JPH3: variants seen among roughly 807,000 people sequenced by gnomAD.
JPH3 encodes junctophilin-3.
Under a neutral mutation model 59.6 loss-of-function variants are expected in JPH3, and 11 were observed. The ratio of observed to expected loss-of-function variants is 0.18; its 90% CI spans 0.12 to 0.31. The LOEUF (loss-of-function observed/expected upper bound fraction) is 0.31. Ranked by LOEUF, JPH3 falls within the 10% of genes least tolerant of loss-of-function variation. The pLI, the probability that JPH3 is intolerant of heterozygous loss-of-function variation, is 1.00. For missense variants in JPH3, 1,202 were observed against 1,105.7 expected, an observed-to-expected ratio of 1.09 and a Z score of -1.24; for synonymous variants, 673 against 483.6, an observed-to-expected ratio of 1.39 and a Z score of -5.14.
chr16:87,647,637 G>A (rs567296174), intron 2 of JPH3, among the ~76,000 whole-genome samples: 10 of 152,312 alleles, frequency 6.6e-5, no homozygotes, highest in African/African-American at 1.2e-4. Context: ...GTCTTGGATC[G>A]TAGCTCCTTT....
intron 1 of JPH3, among the ~76,000 whole-genome samples, chr16:87,620,479 A>AG (rs1263775669): frequency 3.9e-5 from 4 of 103,618 alleles, no homozygotes; most frequent in Non-Finnish European, 7.8e-5. Context: ...AGAAGGAGAG[A>AG]AGAGAGGGAG....
At chr16:87,618,651 G>T (rs1417932816) in intron 1 of JPH3, among the ~76,000 whole-genome samples, 1 of 152,184 alleles carries the variant, frequency 6.6e-6, no homozygotes, top group Non-Finnish European at 1.5e-5. Flanking sequence ...GTCCTCATCC[G>T]CACCTGTCAT....
Position 87,690,204 on chromosome 16 carries a change from T to G in JPH3, c.1844T>G (p.Met615Arg), listed in dbSNP as rs1245286613. 1.9e-6 allele frequency: 3 copies of G among 1,602,902 alleles called. No homozygotes were observed. The African/African-American group carries it at 4.0e-5, about 21-fold the overall frequency. The change falls in exon 4 of 5, where the codon ATG (methionine) becomes AGG (arginine). Residue 615 changes from methionine (M) to arginine (R), a missense_variant. Transcript: ENST00000284262. The stretch of plus-strand genomic sequence containing the variant: ...AAGCTGAGCAACTACCGGATGGAGA[T>G]GAAACCCTTGCTGAGGATGGAGACG... ...EEKLSNYRME[M>R]KPLLRMETHP... is the part of the protein sequence containing the mutation.
At chr16:87,649,924 C>A (rs1470896003) in intron 2 of JPH3, among the ~76,000 whole-genome samples, 1 of 152,244 alleles carries the variant, frequency 6.6e-6, no homozygotes, top group Non-Finnish European at 1.5e-5. Flanking sequence ...ATTGTTTCTG[C>A]TGGGACCCCC....
rs369450570 is a variant in JPH3 at position 87,639,594 on chromosome 16, GCCTGTCCTCCCT to G, written c.383-4647_383-4636del. 5.0e-3 allele frequency among the ~76,000 whole-genome samples: 751 copies of G among 149,790 alleles called. 9 individuals carry two copies. Among genetic ancestry groups the G allele is most frequent in the African/African-American group, 0.016 (660 of 40,632 alleles). On this transcript the variant is annotated intron_variant, in intron 1 of 4. Transcript: ENST00000284262. ...AACTCTGTCCCACTAAATGCTCACTGCCTGTCCTCCCTCCTGTCCTCCCTCCTGGCCTCCCTC... is the reference window on the plus strand; with the variant it reads ...AACTCTGTCCCACTAAATGCTCACTGCCTGTCCTCCCTCCTGGCCTCCCTC...
chr16:87,665,669 C>T (rs2032838331), intron 2 of JPH3, among the ~76,000 whole-genome samples: 1 of 152,210 alleles, frequency 6.6e-6, no homozygotes, highest in Non-Finnish European at 1.5e-5. Flanking sequence ...TGGGAGCAGG[C>T]CTAGGAGAGG....
At position 87,644,793 on chromosome 16, in the gene JPH3, G is replaced by C. The variant is rs755421426; in HGVS notation, c.918G>C (p.Ser306=). 1.1e-5 allele frequency: 17 copies of C among 1,613,206 alleles called. No individual in the cohort carries two copies. The highest frequency in any genetic ancestry group is 1.4e-5 in the Non-Finnish European group (16 of 1,179,886). ...KRSGFGVSQR[S]DGLKYEGEWA... ...CCGGCTTCGGCGTGAGCCAGCGCTC[G>C]GACGGGCTCAAGTACGAGGGCGAGT... is the stretch of plus-strand genomic sequence containing the variant. The change falls in exon 2 of 5, where the codon TCG becomes TCC. Residue 306 remains serine (S), a synonymous_variant. Transcript: ENST00000284262.
intron 3 of JPH3, among the ~76,000 whole-genome samples, chr16:87,685,699 A>G (rs572380559): frequency 1.3e-5 from 2 of 152,342 alleles, no homozygotes; most frequent in African/African-American, 4.8e-5. Flanking sequence ...ATGGGATTCC[A>G]CGTACCAACC....
chr16:87,675,009 G>C (rs542093146), intron 2 of JPH3, among the ~76,000 whole-genome samples: 1 of 152,098 alleles, frequency 6.6e-6, no homozygotes, highest in Admixed American at 6.5e-5. Context: ...TGATCCACCA[G>C]CCTCGGCCTC....
At chr16:87,650,099 A>C (rs1045761311) in intron 2 of JPH3, among the ~76,000 whole-genome samples, 3 of 152,206 alleles carry the variant, frequency 2.0e-5, no homozygotes, top group Non-Finnish European at 4.4e-5. Context: ...GTTTTTACAC[A>C]TTGGAGGTTT....
intron 4 of JPH3, chr16:87,695,886 G>A (rs1339386544): frequency 2.2e-6 from 1 of 456,122 alleles, no homozygotes; most frequent in South Asian, 1.5e-5. Flanking sequence ...AGGCTGTGCG[G>A]CTGAAGGGGG....
intron 2 of JPH3, among the ~76,000 whole-genome samples, chr16:87,673,953 T>A (rs1241661949): frequency 6.6e-6 from 1 of 150,404 alleles, no homozygotes; most frequent in Non-Finnish European, 1.5e-5. Context: ...ATAAATAATT[T>A]AAAAATTATT....
intron 2 of JPH3, among the ~76,000 whole-genome samples, chr16:87,648,574 A>C (rs4843648): frequency 0.56 from 84,655 of 151,954 alleles, 24,020 homozygotes; most frequent in East Asian, 0.69. Context: ...AGGGAAGGGA[A>C]GTGGGTTTTC....
At chr16:87,606,554 T>C (rs1251641182) in intron 1 of JPH3, among the ~76,000 whole-genome samples, 1 of 152,210 alleles carries the variant, frequency 6.6e-6, no homozygotes, top group Non-Finnish European at 1.5e-5. Flanking sequence ...CTTGAATCCC[T>C]GCCCTACATG....
At position 87,620,459 on chromosome 16, in the gene JPH3, AGAGAG is replaced by A. The variant is rs1174967860; in HGVS notation, c.382+16933_382+16937del. On this transcript the variant is annotated intron_variant, in intron 1 of 4. Coordinates refer to ENST00000284262, the MANE Select transcript of JPH3 (RefSeq NM_020655.4). Reference sequence around the variant, plus strand: ...GGGAGGGAGAGAGAGAGAGAAGGAGAGAGAGGGAGAGAAGGAGAGAAGAGAGGGAG... The same window carrying A: ...GGGAGGGAGAGAGAGAGAGAAGGAGAGGAGAGAAGGAGAGAAGAGAGGGAG... Among the ~76,000 whole-genome samples the A allele has an allele frequency of 8.6e-5, 11 of 128,268 alleles. No individual in the cohort carries two copies. The East Asian group carries it at 2.0e-3, about 23-fold the overall frequency. The allele number at this position is 128,268 out of a possible 152,430, so 84.1% of individuals were successfully genotyped here. A position where few individuals can be genotyped will look rare whatever the true frequency, so the allele number is the denominator to read the frequency against.
chr16:87,675,518 C>G (rs1474964790), intron 2 of JPH3, among the ~76,000 whole-genome samples: 2 of 152,220 alleles, frequency 1.3e-5, no homozygotes, highest in African/African-American at 4.8e-5. Flanking sequence ...CCAGCAGACA[C>G]TGCTGCAGCC....
At chr16:87,684,442 T>A in intron 3 of JPH3, 176 bp downstream of exon 3, 1 of 1,000,610 alleles carries the variant, frequency 1.0e-6, no homozygotes, top group Non-Finnish European at 1.5e-6. Flanking sequence ...TGCCAAGGCC[T>A]GGCCTGGCTC....
chr16:87,664,659 G>T (rs985452177), intron 2 of JPH3, among the ~76,000 whole-genome samples: 1 of 152,192 alleles, frequency 6.6e-6, no homozygotes, highest in African/African-American at 2.4e-5. Flanking sequence ...TCTCCTCGGC[G>T]AGTGGAGGCT....
chr16:87,667,037 C>G (rs373884758), intron 2 of JPH3, among the ~76,000 whole-genome samples: 9 of 152,340 alleles, frequency 5.9e-5, no homozygotes, highest in East Asian at 1.9e-4. Context: ...GGCAGAAGCT[C>G]GAGACGAGGG....
Sources: gnomAD v4.1 joint callset for allele counts (sites outside exome capture counted in the v4.1 genomes callset) on GRCh38, gnomAD v4.1.1 for gene constraint, MANE v1.5 for transcripts, NCBI Gene and HGNC (gene_info 2026-07-23, HGNC 2026-07-21) for gene names.